Variants in PPP1R12A observed in about 807,000 individuals in gnomAD.
PPP1R12A encodes protein phosphatase 1 regulatory subunit 12A.
A neutral mutation model predicts 139.6 loss-of-function variants in PPP1R12A; 19 were observed. The ratio of observed to expected loss-of-function variants is 0.14; its 90% CI spans 0.09 to 0.20. The LOEUF is 0.20. Ranked by LOEUF, PPP1R12A falls within the 10% of genes least tolerant of loss-of-function variation. The probability of loss-of-function intolerance (pLI) is 1.00; values close to 1 mark genes in which losing one functional copy is unlikely to be tolerated. For synonymous variants in PPP1R12A, 427 were observed against 420.6 expected (o/e 1.02, Z -0.19); for missense variants, 925 against 1,211.5 (o/e 0.76, Z 3.51).
intron 3 of PPP1R12A, among the ~76,000 whole-genome samples, chr12:79,845,073 T>G (rs1028880490): frequency 6.6e-6 from 1 of 152,220 alleles, no homozygotes; most frequent in Non-Finnish European, 1.5e-5. Flanking sequence ...CCACATAATT[T>G]TATGCCTGAT....
intron 23 of PPP1R12A, chr12:79,780,275 A>C (rs1023038634): frequency 1.4e-4 from 22 of 152,080 alleles, no homozygotes; most frequent in Admixed American, 1.2e-3. Context: ...AAATGCATGT[A>C]AAGTGTTTAA....
chr12:79,863,644 CAAAAAAAAAAAAAA>C (rs61530316), intron 2 of PPP1R12A, among the ~76,000 whole-genome samples: 4 of 55,334 alleles, frequency 7.2e-5, no homozygotes, highest in African/African-American at 2.7e-4. Flanking sequence ...AAATTGAAAG[CAAAAAAAAAAAAAA>C]AAAAAAAAAA....
In PPP1R12A at chr12:79,847,712, T is replaced by A. The variant is rs142870059; in HGVS notation, c.369-2292A>T. 6.1e-3 allele frequency among the ~76,000 whole-genome samples: 925 copies of A among 152,264 alleles called. 8 individuals are homozygous for A. The highest frequency in any genetic ancestry group is 0.021 in the African/African-American group (855 of 41,568). ...ATAAATGTAAAGCTGTGGTAGGTCC[T>A]GTAACAGAATAAGGTAGTGTCTAGG... On this transcript the variant is annotated intron_variant, in intron 2 of 24. Coordinates refer to ENST00000450142, the MANE Select transcript of PPP1R12A (RefSeq NM_002480.3).
In PPP1R12A at chr12:79,827,042, G is replaced by C. The variant is rs567507940; in HGVS notation, c.792+1278C>G. Among the ~76,000 whole-genome samples, 5 of 152,298 alleles carry C rather than the reference G, an allele frequency of 3.3e-5. No homozygotes were observed. In the South Asian group the frequency reaches 1.0e-3, roughly 32 times the overall value. On this transcript the variant is annotated intron_variant, in intron 5 of 24. Transcript: ENST00000450142. Reference sequence around the variant, plus strand: ...CTGAAGGGGAATTTCTACATGAAAAGAGAGGTAACACGACTTGCGAAGCTA... The same window carrying C: ...CTGAAGGGGAATTTCTACATGAAAACAGAGGTAACACGACTTGCGAAGCTA...
chr12:79,869,843 T>C (rs1271069716), intron 2 of PPP1R12A, among the ~76,000 whole-genome samples: 1 of 151,850 alleles, frequency 6.6e-6, no homozygotes, highest in Admixed American at 6.6e-5. Context: ...CCAAAATACT[T>C]CAGTTACCAC....
At chr12:79,806,029 T>C in intron 13 of PPP1R12A, 137 bp downstream of exon 13, 1 of 1,235,664 alleles carries the variant, frequency 8.1e-7, no homozygotes, top group Non-Finnish European at 1.1e-6. Flanking sequence ...TGCCTCATTT[T>C]GGAACCAATT....
intron 3 of PPP1R12A, among the ~76,000 whole-genome samples, chr12:79,833,846 G>GAAAAAAAAAAAAAA (rs371589074): frequency 8.6e-6 from 1 of 116,784 alleles, no homozygotes; most frequent in Admixed American, 9.2e-5. Flanking sequence ...CAAAGAAAAG[G>GAAAAAAAAAAAAAA]AAAAAAAAAA....
chr12:79,850,910 G>A (rs1403092502), intron 2 of PPP1R12A, among the ~76,000 whole-genome samples: 1 of 152,116 alleles, frequency 6.6e-6, no homozygotes, highest in Non-Finnish European at 1.5e-5. Context: ...TAAGTTTCCT[G>A]AGGCTTCCCC....
At chr12:79,825,121 G>C (rs1360814840) in intron 5 of PPP1R12A, 1 of 152,134 alleles carries the variant, frequency 6.6e-6, no homozygotes, top group Non-Finnish European at 1.5e-5. Flanking sequence ...GTCATTAAGA[G>C]AAAGTGGGAA....
At chr12:79,889,084 T>C (rs1395905425) in intron 1 of PPP1R12A, among the ~76,000 whole-genome samples, 1 of 152,238 alleles carries the variant, frequency 6.6e-6, no homozygotes, top group Non-Finnish European at 1.5e-5. Context: ...TATGGACTAA[T>C]ATGAAACAAA....
intron 22 of PPP1R12A, among the ~76,000 whole-genome samples, chr12:79,785,409 A>G (rs1379560470): frequency 1.3e-5 from 2 of 152,252 alleles, no homozygotes; most frequent in Non-Finnish European, 2.9e-5. Context: ...TTCAACAAAC[A>G]GAATGAACTT....
chr12:79,869,643 G>C (rs1592743343), intron 2 of PPP1R12A, among the ~76,000 whole-genome samples: 1 of 152,054 alleles, frequency 6.6e-6, no homozygotes, highest in East Asian at 1.9e-4. Flanking sequence ...GGGAATGTTG[G>C]GGAACTAAAA....
intron 1 of PPP1R12A, among the ~76,000 whole-genome samples, chr12:79,885,890 C>T (rs1247869349): frequency 6.6e-6 from 1 of 152,220 alleles, no homozygotes; most frequent in East Asian, 1.9e-4. Context: ...GAGATAGTGT[C>T]TCACTATGTT....
At chr12:79,797,459 T>C in intron 15 of PPP1R12A, 64 bp from the exon 16 acceptor site, 3 of 1,391,166 alleles carry the variant, frequency 2.2e-6, no homozygotes, top group Admixed American at 2.7e-5. Flanking sequence ...AGGAATATTT[T>C]AGAAATAGAT....
At chr12:79,895,024 GTAAAA>G (rs1422313857) in intron 1 of PPP1R12A, among the ~76,000 whole-genome samples, 1 of 152,108 alleles carries the variant, frequency 6.6e-6, no homozygotes, top group Admixed American at 6.5e-5. Context: ...CTTCTCCCTA[GTAAAA>G]TAAAAGTCTT....
intron 14 of PPP1R12A, among the ~76,000 whole-genome samples, chr12:79,805,239 T>G (rs1873680718): frequency 2.6e-5 from 4 of 152,232 alleles, no homozygotes; most frequent in African/African-American, 9.6e-5. Context: ...TGATAAAACC[T>G]GTTTTTGTCA....
chr12:79,898,556 T>C (rs1355339241), intron 1 of PPP1R12A, among the ~76,000 whole-genome samples: 1 of 152,188 alleles, frequency 6.6e-6, no homozygotes, highest in Non-Finnish European at 1.5e-5. Context: ...CACATAAGTT[T>C]TTACAGTTTC....
At chr12:79,776,128 T>TTA in intron 24 of PPP1R12A, 113 bp from the exon 25 acceptor site, 1 of 620,398 alleles carries the variant, frequency 1.6e-6, no homozygotes, top group Non-Finnish European at 2.6e-6. Flanking sequence ...GCTTTGTCAG[T>TTA]TATATATATT....
intron 22 of PPP1R12A, among the ~76,000 whole-genome samples, chr12:79,784,899 A>T (rs1197126258): frequency 6.6e-6 from 1 of 152,140 alleles, no homozygotes; most frequent in Non-Finnish European, 1.5e-5. Context: ...TTGGACTCCC[A>T]AAGTGCTGGA....
Sources: allele counts gnomAD v4.1 joint callset (sites outside exome capture counted in the v4.1 genomes callset), GRCh38; gene constraint gnomAD v4.1.1; transcripts MANE v1.5; gene names NCBI Gene and HGNC (gene_info 2026-07-23, HGNC 2026-07-21).